Variants in CARNMT1 observed in about 807,000 individuals in gnomAD.
CARNMT1 encodes carnosine N-methyltransferase 1.
Under a neutral mutation model 49.6 loss-of-function variants are expected in CARNMT1, and 28 were observed. The observed-to-expected ratio is 0.56, with a 90% CI of 0.42 to 0.77. The LOEUF (loss-of-function observed/expected upper bound fraction) is 0.77. CARNMT1 is among the 30% of genes least tolerant of loss of function. CARNMT1 has a pLI of 0.00. For synonymous variants in CARNMT1, 178 were observed against 175.0 expected, an observed-to-expected ratio of 1.02 and a Z score of -0.13; for missense variants, 421 against 512.6, an observed-to-expected ratio of 0.82 and a Z score of 1.73.
At chr9:75,026,836 T>C (rs1255834609) in intron 1 of CARNMT1, among the ~76,000 whole-genome samples, 1 of 152,216 alleles carries the variant, frequency 6.6e-6, no homozygotes, top group African/African-American at 2.4e-5. Flanking sequence ...GAATGAGAAA[T>C]GTATTTCTTT....
At chr9:75,005,651 T>C (rs984053122) in intron 3 of CARNMT1, among the ~76,000 whole-genome samples, 1 of 151,852 alleles carries the variant, frequency 6.6e-6, no homozygotes, top group African/African-American at 2.4e-5. Flanking sequence ...TTTTTTGTAT[T>C]TTTAGTAGAG....
At chr9:75,024,855 AAACTT>A (rs1822477474) in intron 1 of CARNMT1, among the ~76,000 whole-genome samples, 1 of 152,222 alleles carries the variant, frequency 6.6e-6, no homozygotes, top group Non-Finnish European at 1.5e-5. Flanking sequence ...GATTCACCAA[AAACTT>A]AACTACTAAT....
Position 74,998,788 on chromosome 9 carries a change from G to A in CARNMT1, c.732-12C>T, listed in dbSNP as rs749675326. ...TAATTTCAGAACATCTGCAAAATAT[G>A]AGTATAAAATCAGGTGTTAACTAAA... On this transcript the variant is annotated splice_polypyrimidine_tract_variant and intron_variant, in intron 4 of 7. Transcript: ENST00000376834. The A allele has an allele frequency of 2.7e-6, 4 of 1,478,526 alleles. No individual in the cohort carries two copies. In the South Asian group the frequency reaches 5.6e-5, roughly 21 times the overall value. The allele number at this position is 1,478,526 out of a possible 1,614,324, so 91.6% of individuals were successfully genotyped here.
At chr9:75,016,855 G>C in intron 2 of CARNMT1, 1 of 268,334 alleles carries the variant, frequency 3.7e-6, no homozygotes, top group Non-Finnish European at 6.9e-6. Flanking sequence ...CCAGTCCCTT[G>C]AGATTTATAA....
chr9:74,995,825 T>C (rs1178856487), intron 6 of CARNMT1, among the ~76,000 whole-genome samples: 1 of 152,188 alleles, frequency 6.6e-6, no homozygotes, highest in Non-Finnish European at 1.5e-5. Context: ...AATATTATCA[T>C]TATACCCCCT....
intron 1 of CARNMT1, among the ~76,000 whole-genome samples, chr9:75,020,576 TTTTCAA>T (rs1445502694): frequency 6.6e-6 from 1 of 152,194 alleles, no homozygotes; most frequent in Non-Finnish European, 1.5e-5. Context: ...TTCATTTTCA[TTTTCAA>T]TTTCACTTTC....
At chr9:75,003,562 C>T (rs1160938613) in intron 3 of CARNMT1, among the ~76,000 whole-genome samples, 1 of 152,198 alleles carries the variant, frequency 6.6e-6, no homozygotes, top group African/African-American at 2.4e-5. Flanking sequence ...ATTTGCCAAC[C>T]CCTGATCTAA....
At chr9:75,017,009 A>C (rs774462620) in intron 2 of CARNMT1, 20 of 466,212 alleles carry the variant, frequency 4.3e-5, no homozygotes, top group African/African-American at 8.0e-5. Context: ...TCCAAAACAG[A>C]ACATTATGTC....
At chr9:74,991,141 T>G (rs796441383) in intron 6 of CARNMT1, 29 of 152,126 alleles carry the variant, frequency 1.9e-4, no homozygotes, top group African/African-American at 6.7e-4. Context: ...CTTGGTAAGT[T>G]TTTTTTTCTT....
In CARNMT1 at chr9:75,013,296, C is replaced by T. The variant is rs533708365; in HGVS notation, c.590+2972G>A. On this transcript the variant is annotated intron_variant, in intron 3 of 7. Coordinates refer to ENST00000376834, the MANE Select transcript of CARNMT1 (RefSeq NM_152420.3). ...AAAGAAAAATAAACAGATCCTTCTG[C>T]ATTATTTATATTCTAAAATGTGGTA... Among the ~76,000 whole-genome samples the T allele has an allele frequency of 3.9e-5, 6 of 152,152 alleles. No homozygotes were observed. In the South Asian group the frequency reaches 1.2e-3, roughly 32 times the overall value.
chr9:75,005,869 C>T (rs975214286), intron 3 of CARNMT1, among the ~76,000 whole-genome samples: 2 of 137,154 alleles, frequency 1.5e-5, no homozygotes, highest in Admixed American at 7.2e-5. Context: ...CACACACACA[C>T]ACACAATAAA....
At position 74,981,728 on chromosome 9, in the gene CARNMT1, T is replaced by C. The variant is rs1832697612; in HGVS notation, c.*2039A>G. 1 of 152,106 alleles carries C rather than the reference T, an allele frequency of 6.6e-6. No individual in the cohort carries two copies. Among genetic ancestry groups the C allele is most frequent in the Admixed American group, 6.5e-5 (1 of 15,278 alleles). 9.4% of individuals were successfully genotyped at this position (152,106 alleles called of 1,614,324 possible). A position where few individuals can be genotyped will look rare whatever the true frequency, so the allele number is the denominator to read the frequency against. On this transcript the variant is annotated 3_prime_UTR_variant, in exon 8 of 8. Transcript: ENST00000376834. The stretch of plus-strand genomic sequence containing the variant: ...CCAACCCACCAGTGTCAACCTGTTT[T>C]TGCCTGTGACAAAAACAAAGATCAT...
intron 1 of CARNMT1, among the ~76,000 whole-genome samples, chr9:75,018,113 A>G (rs944044017): frequency 6.6e-6 from 1 of 152,050 alleles, no homozygotes; most frequent in Non-Finnish European, 1.5e-5. Flanking sequence ...CCAGGCTGGA[A>G]TGCAGTGGCA....
chr9:75,010,706 C>A (rs1452935010), intron 3 of CARNMT1, among the ~76,000 whole-genome samples: 1 of 151,912 alleles, frequency 6.6e-6, no homozygotes. Context: ...CTACCTAAAC[C>A]CCAAGACATT....
chr9:75,007,752 A>C (rs1412742440), intron 3 of CARNMT1, among the ~76,000 whole-genome samples: 4 of 150,744 alleles, frequency 2.7e-5, no homozygotes, highest in Non-Finnish European at 4.4e-5. Flanking sequence ...TAATAAAAAA[A>C]AAAAAACTAA....
At position 74,982,799 on chromosome 9, in the gene CARNMT1, T is replaced by G. The variant is rs183624740; in HGVS notation, c.*968A>C. ...ATCACATATTTCAAATGGGTAAATT[T>G]TATTCTTATTTTCTCTGTTTCCTAG... On this transcript the variant is annotated 3_prime_UTR_variant, in exon 8 of 8. Transcript: ENST00000376834. 1 of 152,298 alleles carries G rather than the reference T, an allele frequency of 6.6e-6. No individual in the cohort carries two copies. Among genetic ancestry groups the G allele is most frequent in the East Asian group, 1.9e-4 (1 of 5,182 alleles). The allele number at this position is 152,298 out of a possible 1,614,324, so 9.4% of individuals were successfully genotyped here.
intron 6 of CARNMT1, 155 bp downstream of exon 6, chr9:74,996,292 A>G (rs1384236233): frequency 7.4e-6 from 4 of 540,552 alleles, no homozygotes; most frequent in Non-Finnish European, 1.3e-5. Context: ...AGGGATCACC[A>G]CCAGGATGCA....
chr9:75,019,424 A>C (rs1451910677), intron 1 of CARNMT1, among the ~76,000 whole-genome samples: 1 of 152,208 alleles, frequency 6.6e-6, no homozygotes, highest in Non-Finnish European at 1.5e-5. Context: ...GGAAATATGC[A>C]TCTGTCAAGA....
In CARNMT1 at chr9:75,016,259, A is replaced by T. The variant is rs1490865722; in HGVS notation, c.590+9T>A. ...TTAAAAACTTGGTTAAAAATGAGGTACTATTTACCATCTCTCTTTTGGAAA... is the reference window on the plus strand; with the variant it reads ...TTAAAAACTTGGTTAAAAATGAGGTTCTATTTACCATCTCTCTTTTGGAAA... On this transcript the variant is annotated intron_variant, in intron 3 of 7. Transcript: ENST00000376834. The T allele has an allele frequency of 1.2e-6, 2 of 1,600,470 alleles. No individual in the cohort carries two copies. The highest frequency in any genetic ancestry group is 1.1e-5 in the South Asian group (1 of 89,948).
Sources: gnomAD v4.1 joint callset for allele counts (sites outside exome capture counted in the v4.1 genomes callset) on GRCh38, gnomAD v4.1.1 for gene constraint, MANE v1.5 for transcripts, NCBI Gene and HGNC (gene_info 2026-07-23, HGNC 2026-07-21) for gene names.